DSCAML1: variants seen among roughly 807,000 people sequenced by gnomAD.
DSCAML1 encodes cell adhesion molecule DSCAML1.
DSCAML1 carries 38 observed loss-of-function variants against 200.5 expected under a neutral mutation model. The ratio of observed to expected loss-of-function variants is 0.19; its 90% CI spans 0.15 to 0.25. The LOEUF (loss-of-function observed/expected upper bound fraction) is 0.25, where lower values mean the gene tolerates loss of function less well. DSCAML1 is among the 10% of genes least tolerant of loss of function. The probability of loss-of-function intolerance (pLI) is 1.00; values close to 1 mark genes in which losing one functional copy is unlikely to be tolerated. For missense variants in DSCAML1, 2,223 were observed against 2,858.8 expected (o/e 0.78, Z 5.07); for synonymous variants, 1,215 against 1,165.0 (o/e 1.04, Z -0.87).
intron 3 of DSCAML1, among the ~76,000 whole-genome samples, chr11:117,634,295 G>C (rs984862949): frequency 6.6e-6 from 1 of 152,230 alleles, no homozygotes; most frequent in African/African-American, 2.4e-5. Context: ...AAGAGGGCCA[G>C]TGGGCATCAG....
At position 117,431,804 on chromosome 11, in the gene DSCAML1, A is replaced by G. The variant is rs889523994; in HGVS notation, c.5180-76T>C. ...CTTGGGCAGCTGGCACTTACCAGAA[A>G]GGGCAGGGGGGAGCAAGGGAAGAGG... On this transcript the variant is annotated intron_variant, in intron 30 of 32. Coordinates refer to ENST00000651296, the MANE Select transcript of DSCAML1 (RefSeq NM_020693.4). 1.0e-5 allele frequency: 14 copies of G among 1,403,258 alleles called. No individual in the cohort carries two copies. In the African/African-American group the frequency reaches 1.7e-4, roughly 17 times the overall value. 86.9% of individuals were successfully genotyped at this position (1,403,258 alleles called of 1,614,324 possible). A position where few individuals can be genotyped will look rare whatever the true frequency, so the allele number is the denominator to read the frequency against.
intron 3 of DSCAML1, among the ~76,000 whole-genome samples, chr11:117,599,307 T>C (rs2051421534): frequency 6.6e-6 from 1 of 152,224 alleles, no homozygotes; most frequent in Non-Finnish European, 1.5e-5. Context: ...TTCTGGTCCA[T>C]ATACCTTCTT....
At chr11:117,816,744 C>T (rs1375757990) in intron 1 of DSCAML1, among the ~76,000 whole-genome samples, 1 of 143,760 alleles carries the variant, frequency 7.0e-6, no homozygotes, top group Non-Finnish European at 1.5e-5. Context: ...ACGCTCAGTT[C>T]TTTGGGGGCA....
In DSCAML1 at chr11:117,439,929, T is replaced by C; in HGVS notation, c.3870A>G (p.Ala1290=). The change falls in exon 22 of 33, where the codon GCA becomes GCG. Residue 1290 remains alanine (A), a synonymous_variant. Transcript: ENST00000651296. ...VTIEPAGKAP[A]KIISFGGTVT... ...CGGTGCCCCCAAAGGAGATGATCTT[T>C]GCTGGGGCTACAGGGAGGAGAGGAT... 1 of 1,614,104 alleles carries C rather than the reference T, an allele frequency of 6.2e-7. No homozygotes were observed. Among genetic ancestry groups the C allele is most frequent in the Non-Finnish European group, 8.5e-7 (1 of 1,179,966 alleles).
rs985510047 is a variant in DSCAML1 at position 117,485,563 on chromosome 11, C to T, written c.2360-3401G>A. On this transcript the variant is annotated intron_variant, in intron 11 of 32. Transcript: ENST00000651296. ...TTAAAGCTAACTTCTGTGAGCCCCACGGAGCATTGTGAGGACAAAGTGAAC... is the reference window on the plus strand; with the variant it reads ...TTAAAGCTAACTTCTGTGAGCCCCATGGAGCATTGTGAGGACAAAGTGAAC... Among the ~76,000 whole-genome samples, 7 of 152,208 alleles carry T rather than the reference C, an allele frequency of 4.6e-5. No homozygotes were observed. The South Asian group carries it at 1.0e-3, about 22-fold the overall frequency.
chr11:117,733,512 C>T (rs887416995), intron 3 of DSCAML1, among the ~76,000 whole-genome samples: 1 of 152,180 alleles, frequency 6.6e-6, no homozygotes, highest in Non-Finnish European at 1.5e-5. Context: ...CAGATGAAAC[C>T]TGCCTGTGGC....
At chr11:117,557,423 C>A (rs1012635880) in intron 3 of DSCAML1, among the ~76,000 whole-genome samples, 1 of 152,190 alleles carries the variant, frequency 6.6e-6, no homozygotes, top group African/African-American at 2.4e-5. Context: ...CCCCTCCTGA[C>A]CACCGTCCCT....
chr11:117,439,980 C>A (rs779213236), intron 21 of DSCAML1, 44 bp from the exon 22 acceptor site: 1 of 1,532,858 alleles, frequency 6.5e-7, no homozygotes, highest in South Asian at 1.1e-5. Context: ...TCTACCCCTG[C>A]ACAATATCCT....
intron 3 of DSCAML1, among the ~76,000 whole-genome samples, chr11:117,646,186 A>G (rs2052517774): frequency 6.6e-6 from 1 of 151,558 alleles, no homozygotes; most frequent in Non-Finnish European, 1.5e-5. Flanking sequence ...CTGTCAGACC[A>G]CAAGTCCTGA....
At chr11:117,438,135 G>C in intron 24 of DSCAML1, 52 bp from the exon 25 acceptor site, 1 of 1,539,170 alleles carries the variant, frequency 6.5e-7, no homozygotes, top group Non-Finnish European at 8.8e-7. Context: ...CAAGGCAGCA[G>C]AAGCCCAGCC....
intron 3 of DSCAML1, among the ~76,000 whole-genome samples, chr11:117,727,409 T>C (rs1037700141): frequency 6.6e-6 from 1 of 152,176 alleles, no homozygotes; most frequent in Non-Finnish European, 1.5e-5. Context: ...GCATCCACAC[T>C]TTCCACCTTC....
intron 3 of DSCAML1, among the ~76,000 whole-genome samples, chr11:117,612,267 G>T (rs528540741): frequency 5.9e-5 from 9 of 152,230 alleles, no homozygotes; most frequent in African/African-American, 2.2e-4. Context: ...CTTCCCCACC[G>T]CCTCCCTGTA....
At chr11:117,609,026 ACAAACAAAC>A (rs2051631354) in intron 3 of DSCAML1, among the ~76,000 whole-genome samples, 3 of 113,998 alleles carry the variant, frequency 2.6e-5, no homozygotes, top group African/African-American at 1.0e-4. Flanking sequence ...AAACAAACAA[ACAAACAAAC>A]AAAAAAAACA....
intron 3 of DSCAML1, among the ~76,000 whole-genome samples, chr11:117,692,988 T>G (rs912836011): frequency 6.6e-6 from 1 of 152,216 alleles, no homozygotes; most frequent in African/African-American, 2.4e-5. Context: ...ACTTCCAACA[T>G]GTTCAGTTTC....
chr11:117,480,763 C>T lies in DSCAML1; in HGVS notation c.2657-192G>A, dbSNP rs2048898412. On this transcript the variant is annotated intron_variant, in intron 13 of 32. Transcript: ENST00000651296. The surrounding 1 kb of genome is among the most constrained non-coding windows in gnomAD (Gnocchi z 4.1). ...GAGGAGGCCTGGCTTGCTCTCCTGT[C>T]TTGCTGCCATCTTGTTCTTGGCCTG... 6.6e-6 allele frequency among the ~76,000 whole-genome samples: 1 copy of T among 152,118 alleles called. No homozygotes were observed. Among genetic ancestry groups the T allele is most frequent in the Non-Finnish European group, 1.5e-5 (1 of 68,000 alleles).
chr11:117,664,634 G>A (rs568699142), intron 3 of DSCAML1, among the ~76,000 whole-genome samples: 19 of 152,202 alleles, frequency 1.2e-4, no homozygotes, highest in African/African-American at 4.3e-4. Flanking sequence ...TGTCTACCCC[G>A]TAATGGACAC....
chr11:117,631,337 G>A (rs1272425353), intron 3 of DSCAML1, among the ~76,000 whole-genome samples: 1 of 152,200 alleles, frequency 6.6e-6, no homozygotes, highest in African/African-American at 2.4e-5. Flanking sequence ...TGTTGGACCC[G>A]GGCAGAGGGA....
chr11:117,467,675 T>G (rs2048611228), intron 16 of DSCAML1, among the ~76,000 whole-genome samples: 1 of 152,208 alleles, frequency 6.6e-6, no homozygotes, highest in African/African-American at 2.4e-5. Flanking sequence ...CTTGAATGTT[T>G]CTCTCTGCAC....
chr11:117,679,309 C>T (rs556027681), intron 3 of DSCAML1, among the ~76,000 whole-genome samples: 234 of 152,320 alleles, frequency 1.5e-3, no homozygotes, highest in Non-Finnish European at 2.6e-3. Context: ...GCAGCTGGTG[C>T]GGCGGTCGGA....
Sources: gnomAD v4.1 joint callset for allele counts (sites outside exome capture counted in the v4.1 genomes callset) on GRCh38, gnomAD v4.1.1 for gene constraint, Gnocchi (gnomAD v3.1) non-coding constraint, MANE v1.5 for transcripts, NCBI Gene and HGNC (gene_info 2026-07-23, HGNC 2026-07-21) for gene names.